The following IREB2 variants were observed in gnomAD, a reference collection of about 807,000 sequenced individuals.
IREB2 encodes the protein iron responsive element binding protein 2.
IREB2 carries 39 observed loss-of-function variants against 118.8 expected under a neutral mutation model. The ratio of observed to expected loss-of-function variants is 0.33; its 90% CI spans 0.25 to 0.43. The LOEUF is 0.43. Among genes scored for constraint, IREB2 ranks in the 20% least tolerant of loss-of-function variants. The pLI, the probability that IREB2 is intolerant of heterozygous loss-of-function variation, is 1.00. For missense variants in IREB2, 900 were observed against 1,147.3 expected (o/e 0.78, Z 3.11); for synonymous variants, 372 against 392.2 (o/e 0.95, Z 0.61).
At chr15:78,465,586 C>T (rs1292503553) in intron 4 of IREB2, among the ~76,000 whole-genome samples, 198 bp downstream of exon 4, 1 of 151,942 alleles carries the variant, frequency 6.6e-6, no homozygotes, top group Non-Finnish European at 1.5e-5. Context: ...ATTTCTGCTG[C>T]CGTTTTTGAT....
In IREB2 at chr15:78,484,899, C is replaced by G. The variant is rs1407667281; in HGVS notation, c.1552C>G (p.Pro518Ala). ...TATCAGTTGTACCAATAATTGCAAT[C>G]CATCTGTCATGCTTGCTGCAGGTGG... is the stretch of plus-strand genomic sequence containing the variant. Reference protein sequence around the residue: ...AVISCTNNCNPSVMLAAGLLA... With the variant: ...AVISCTNNCNASVMLAAGLLA... Residue 518 changes from proline (P) to alanine (A), a missense_variant, in exon 12 of 22, where the codon CCA becomes GCA. Transcript: ENST00000258886. The G allele has an allele frequency of 1.2e-6, 2 of 1,613,548 alleles. No individual in the cohort carries two copies. Among genetic ancestry groups the G allele is most frequent in the South Asian group, 2.2e-5 (2 of 90,972 alleles).
At chr15:78,487,600 T>C (rs1053290950) in intron 13 of IREB2, 133 bp from the exon 14 acceptor site, 1 of 573,746 alleles carries the variant, frequency 1.7e-6, no homozygotes, top group Non-Finnish European at 3.1e-6. Context: ...AATATATTGA[T>C]GAAGGTTAAT....
At chr15:78,467,611 T>C (rs1595997716) in intron 5 of IREB2, among the ~76,000 whole-genome samples, 2 of 150,860 alleles carry the variant, frequency 1.3e-5, no homozygotes, top group Non-Finnish European at 1.5e-5. Flanking sequence ...GAATCGCTTG[T>C]ACCAGGAGGC....
intron 2 of IREB2, among the ~76,000 whole-genome samples, chr15:78,449,904 A>G (rs148112811): frequency 6.6e-6 from 1 of 152,296 alleles, no homozygotes; most frequent in East Asian, 1.9e-4. Context: ...GATGACACGA[A>G]TTACTATACT....
intron 18 of IREB2, among the ~76,000 whole-genome samples, 154 bp downstream of exon 18, chr15:78,490,915 G>A (rs755591772): frequency 1.7e-4 from 26 of 151,970 alleles, no homozygotes; most frequent in Non-Finnish European, 3.4e-4. Context: ...ATGGAGAGTG[G>A]CGGGGTGGGG....
chr15:78,446,997 C>A (rs539565790), intron 2 of IREB2, among the ~76,000 whole-genome samples: 6 of 152,192 alleles, frequency 3.9e-5, no homozygotes, highest in East Asian at 1.9e-4. Flanking sequence ...AAAAAACTTT[C>A]TTCTACATTA....
At chr15:78,492,708 G>T (rs574926121) in intron 18 of IREB2, among the ~76,000 whole-genome samples, 2 of 152,028 alleles carry the variant, frequency 1.3e-5, no homozygotes, top group South Asian at 4.2e-4. Context: ...CTACAGGCTC[G>T]CACCGTCATG....
chr15:78,459,924 A>G (rs1040398852), intron 2 of IREB2, among the ~76,000 whole-genome samples: 9 of 152,192 alleles, frequency 5.9e-5, no homozygotes, highest in African/African-American at 1.9e-4. Context: ...TTACTTTCCT[A>G]CTAACCCCCA....
chr15:78,478,402 A>T lies in IREB2; in HGVS notation c.1296+5A>T, dbSNP rs1474215279. 1.3e-6 allele frequency: 2 copies of T among 1,509,878 alleles called. No individual in the cohort carries two copies. Among genetic ancestry groups the T allele is most frequent in the Admixed American group, 1.7e-5 (1 of 59,790 alleles). 93.5% of individuals were successfully genotyped at this position (1,509,878 alleles called of 1,614,324 possible). A position where few individuals can be genotyped will look rare whatever the true frequency, so the allele number is the denominator to read the frequency against. On this transcript the variant is annotated splice_donor_5th_base_variant and intron_variant, in intron 10 of 21. Transcript: ENST00000258886. ...GGAGAACCTGAATACTCCCAGGTAT[A>T]TGCAGAATAACCCACCTCGTAGCAA...
At chr15:78,473,122 A>G in intron 7 of IREB2, 120 bp from the exon 8 acceptor site, 2 of 897,208 alleles carry the variant, frequency 2.2e-6, no homozygotes, top group South Asian at 1.8e-5. Flanking sequence ...TAATAGCAAT[A>G]TAGCAACTCT....
intron 10 of IREB2, among the ~76,000 whole-genome samples, chr15:78,478,777 G>C (rs772028130): frequency 6.6e-6 from 1 of 152,176 alleles, no homozygotes; most frequent in Non-Finnish European, 1.5e-5. Flanking sequence ...GCTCTAAGAC[G>C]TGTTAGCTGT....
chr15:78,488,647 G>A lies in IREB2; in HGVS notation c.1952G>A (p.Gly651Asp), dbSNP rs1467162697. 2 of 1,605,032 alleles carry A rather than the reference G, an allele frequency of 1.2e-6. No individual in the cohort carries two copies. Among genetic ancestry groups the A allele is most frequent in the African/African-American group, 2.7e-5 (2 of 74,272 alleles). The change falls in exon 16 of 22, where the codon GGT becomes GAT. Residue 651 changes from glycine (G) to aspartate (D), a missense_variant and splice_region_variant. Transcript: ENST00000258886. Reference sequence around the variant, plus strand: ...TATCATGTTCAAAAATTTTAACCAGGTACTGACCCCACCGGCAAGAACATT... The same window carrying A: ...TATCATGTTCAAAAATTTTAACCAGATACTGACCCCACCGGCAAGAACATT... The part of the protein sequence containing the change: ...VNIDFQTEPL[G>D]TDPTGKNIYL...
intron 2 of IREB2, among the ~76,000 whole-genome samples, chr15:78,457,181 A>C (rs1274315837): frequency 6.6e-6 from 1 of 152,144 alleles, no homozygotes; most frequent in Non-Finnish European, 1.5e-5. Context: ...TGAACTCTCC[A>C]AAAGAACTAA....
intron 16 of IREB2, among the ~76,000 whole-genome samples, chr15:78,489,787 A>G (rs927858528): frequency 1.8e-4 from 27 of 152,224 alleles, no homozygotes; most frequent in Non-Finnish European, 1.5e-5. Context: ...TTGGGTTTAC[A>G]GGCGTGAGCC....
chr15:78,441,956 G>A (rs893471429), intron 2 of IREB2, among the ~76,000 whole-genome samples: 2 of 151,940 alleles, frequency 1.3e-5, no homozygotes, highest in African/African-American at 2.4e-5. Flanking sequence ...ACCCAGGCTG[G>A]AGTGCAATGG....
chr15:78,440,836 G>T (rs1273927372), intron 2 of IREB2, among the ~76,000 whole-genome samples: 1 of 152,114 alleles, frequency 6.6e-6, no homozygotes, highest in African/African-American at 2.4e-5. Flanking sequence ...CCTTATCAGG[G>T]TCAAACCTTT....
intron 13 of IREB2, among the ~76,000 whole-genome samples, chr15:78,487,379 A>G (rs1311693596): frequency 2.0e-5 from 3 of 152,186 alleles, no homozygotes; most frequent in Admixed American, 2.0e-4. Context: ...AAAGGTTTGC[A>G]TTCACCTTTG....
At chr15:78,480,834 C>A (rs890386157) in intron 10 of IREB2, among the ~76,000 whole-genome samples, 1 of 151,424 alleles carries the variant, frequency 6.6e-6, no homozygotes, top group Non-Finnish European at 1.5e-5. Context: ...ACGGTGAAAC[C>A]CCATTTCTAC....
chr15:78,491,928 T>TA (rs1175180296), intron 18 of IREB2, among the ~76,000 whole-genome samples: 3 of 152,212 alleles, frequency 2.0e-5, no homozygotes, highest in Non-Finnish European at 4.4e-5. Flanking sequence ...AATTGTGACA[T>TA]ACCTCCAAAA....
Sources: gnomAD v4.1 joint callset for allele counts (sites outside exome capture counted in the v4.1 genomes callset) on GRCh38, gnomAD v4.1.1 for gene constraint, MANE v1.5 for transcripts, NCBI Gene and HGNC (gene_info 2026-07-23, HGNC 2026-07-21) for gene names.